Variants in CHN2 observed in about 807,000 individuals in gnomAD.
The protein encoded by CHN2 is chimerin 2.
In CHN2, 35 loss-of-function variants were observed where a neutral mutation model predicts 56.3. That is an observed-to-expected ratio of 0.62 (90% CI 0.47 to 0.82). The LOEUF (loss-of-function observed/expected upper bound fraction) is 0.82, where lower values mean the gene tolerates loss of function less well. Ranked by LOEUF, CHN2 falls within the 40% of genes least tolerant of loss-of-function variation. The pLI is 0.00. For synonymous variants in CHN2, 210 were observed against 212.8 expected, an observed-to-expected ratio of 0.99 and a Z score of 0.12; for missense variants, 491 against 580.5, an observed-to-expected ratio of 0.85 and a Z score of 1.58.
intron 6 of CHN2, among the ~76,000 whole-genome samples, chr7:29,412,348 TG>T (rs1372800360): frequency 0.028 from 2,788 of 100,802 alleles, 279 homozygotes; most frequent in Middle Eastern, 0.054. Context: ...TTTTTTTTTT[TG>T]GGAGACGGAG....
intron 1 of CHN2, among the ~76,000 whole-genome samples, chr7:29,351,107 C>CAAAAAAAAAA (rs55787771): frequency 2.9e-5 from 2 of 70,046 alleles, no homozygotes; most frequent in Admixed American, 1.8e-4. Flanking sequence ...GACTCCATCT[C>CAAAAAAAAAA]AAAAAAAAAA....
chr7:29,396,273 C>T (rs2128079092), intron 4 of CHN2, among the ~76,000 whole-genome samples: 1 of 151,666 alleles, frequency 6.6e-6, no homozygotes, highest in East Asian at 2.0e-4. Context: ...TGAGACCCGC[C>T]CCCACTCCCC....
intron 2 of CHN2, among the ~76,000 whole-genome samples, chr7:29,183,256 G>C (rs952751489): frequency 6.6e-6 from 1 of 151,774 alleles, no homozygotes; most frequent in African/African-American, 2.4e-5. Flanking sequence ...GGCTAATTTT[G>C]TATTTTCAGT....
intron 6 of CHN2, among the ~76,000 whole-genome samples, chr7:29,425,356 G>T (rs1380346230): frequency 1.3e-5 from 2 of 152,248 alleles, no homozygotes; most frequent in Non-Finnish European, 2.9e-5. Context: ...GGAGGGAGGA[G>T]ACACGGAGCA....
intron 6 of CHN2, among the ~76,000 whole-genome samples, chr7:29,428,924 C>CT (rs2128111934): frequency 6.6e-6 from 1 of 152,222 alleles, no homozygotes; most frequent in South Asian, 2.1e-4. Context: ...TCCTGAGAGG[C>CT]TTTTCTGGTC....
intron 6 of CHN2, among the ~76,000 whole-genome samples, chr7:29,473,879 C>T (rs111743508): frequency 8.2e-4 from 125 of 152,096 alleles, no homozygotes; most frequent in African/African-American, 2.9e-3. Context: ...AATTTATCAT[C>T]CATGCACACT....
intron 6 of CHN2, among the ~76,000 whole-genome samples, chr7:29,449,641 A>G (rs947422362): frequency 2.6e-5 from 4 of 152,246 alleles, no homozygotes; most frequent in African/African-American, 9.6e-5. Flanking sequence ...ATTCAGAATC[A>G]TTTATGGAGT....
chr7:29,189,221 G>T (rs1257490788), intron 2 of CHN2, among the ~76,000 whole-genome samples: 3 of 151,990 alleles, frequency 2.0e-5, no homozygotes, highest in Non-Finnish European at 4.4e-5. Flanking sequence ...CAAAGGGCTG[G>T]GATTACAGGT....
At position 29,472,289 on chromosome 7, in the gene CHN2, A is replaced by ACACACACACACACG. The variant is rs1562634338; in HGVS notation, c.577-7981_577-7980insACACGCACACACAC. Among the ~76,000 whole-genome samples, 4 of 150,502 alleles carry ACACACACACACACG rather than the reference A, an allele frequency of 2.7e-5. No individual in the cohort carries two copies. In the East Asian group the frequency reaches 6.1e-4, roughly 23 times the overall value. ...AAACAAAATACACACACACACACAC[A>ACACACACACACACG]CACACACACGCACACACACACATTA... is the stretch of plus-strand genomic sequence containing the variant. On this transcript the variant is annotated intron_variant, in intron 6 of 12. Transcript: ENST00000222792.
intron 1 of CHN2, among the ~76,000 whole-genome samples, chr7:29,228,412 A>G (rs896104614): frequency 2.0e-5 from 3 of 152,194 alleles, no homozygotes; most frequent in African/African-American, 4.8e-5. Flanking sequence ...TTTGTAGCCT[A>G]GGAGCAATAG....
chr7:29,354,580 G>C, intron 1 of CHN2, 45 bp from the exon 2 acceptor site: 1 of 1,558,576 alleles, frequency 6.4e-7, no homozygotes, highest in Non-Finnish European at 8.8e-7. Flanking sequence ...TTGACAGCTT[G>C]ACGTTCAGGC....
intron 1 of CHN2, among the ~76,000 whole-genome samples, chr7:29,284,062 C>T (rs985825111): frequency 6.7e-6 from 1 of 149,968 alleles, no homozygotes; most frequent in Non-Finnish European, 1.5e-5. Flanking sequence ...TACAGACATG[C>T]GTCACCACGC....
chr7:29,464,930 A>G (rs1337908400), intron 6 of CHN2, among the ~76,000 whole-genome samples: 2 of 152,190 alleles, frequency 1.3e-5, no homozygotes, highest in African/African-American at 2.4e-5. Flanking sequence ...TCCTGAGTGC[A>G]ATGCCAGATG....
At chr7:29,316,556 A>C (rs1178735496) in intron 1 of CHN2, among the ~76,000 whole-genome samples, 8 of 152,164 alleles carry the variant, frequency 5.3e-5, no homozygotes, top group Non-Finnish European at 1.2e-4. Context: ...TGTCGGAGGG[A>C]ATGTAATTAT....
At chr7:29,306,735 T>G (rs534466475) in intron 1 of CHN2, among the ~76,000 whole-genome samples, 1 of 152,344 alleles carries the variant, frequency 6.6e-6, no homozygotes, top group South Asian at 2.1e-4. Flanking sequence ...GTAATCAGTA[T>G]GTAAGAATTG....
At chr7:29,350,229 C>T (rs925796880) in intron 1 of CHN2, among the ~76,000 whole-genome samples, 1 of 152,130 alleles carries the variant, frequency 6.6e-6, no homozygotes, top group Non-Finnish European at 1.5e-5. Context: ...CTTAATCATT[C>T]TGCATTTCAT....
At chr7:29,456,621 C>G (rs1215353864) in intron 6 of CHN2, among the ~76,000 whole-genome samples, 20 of 135,150 alleles carry the variant, frequency 1.5e-4, no homozygotes, top group Admixed American at 6.5e-4. Flanking sequence ...CCCCTCCCCC[C>G]CACCACCACC....
At chr7:29,266,239 TAA>T (rs1488265708) in intron 1 of CHN2, among the ~76,000 whole-genome samples, 1 of 152,224 alleles carries the variant, frequency 6.6e-6, no homozygotes, top group Non-Finnish European at 1.5e-5. Context: ...GTCCAGAGTA[TAA>T]AGTCTTGATA....
At chr7:29,268,136 G>A (rs188553437) in intron 1 of CHN2, among the ~76,000 whole-genome samples, 3 of 152,222 alleles carry the variant, frequency 2.0e-5, no homozygotes, top group Admixed American at 6.5e-5. Context: ...AACTAAGGGT[G>A]TGGGAACAAA....
Sources: gnomAD v4.1 joint callset for allele counts (sites outside exome capture counted in the v4.1 genomes callset) on GRCh38, gnomAD v4.1.1 for gene constraint, MANE v1.5 for transcripts, NCBI Gene and HGNC (gene_info 2026-07-23, HGNC 2026-07-21) for gene names.